The following SNCAIP variants were observed in gnomAD, a reference collection of about 807,000 sequenced individuals.
SNCAIP encodes synuclein alpha interacting protein, also known as synphilin-1.
Under a neutral mutation model 86.7 loss-of-function variants are expected in SNCAIP, and 43 were observed. That is an observed-to-expected ratio of 0.50 (90% CI 0.39 to 0.64). The LOEUF is 0.64. Ranked by LOEUF, SNCAIP falls within the 30% of genes least tolerant of loss-of-function variation. SNCAIP has a pLI of 0.00. For synonymous variants in SNCAIP, 417 were observed against 427.2 expected (o/e 0.98, Z 0.29); for missense variants, 981 against 1,103.1 (o/e 0.89, Z 1.57).
chr5:122,385,670 CGTATGTGTGTGTGTGTGTGTGT>C (rs1209151082), intron 1 of SNCAIP, among the ~76,000 whole-genome samples: 1 of 144,552 alleles, frequency 6.9e-6, no homozygotes, highest in African/African-American at 2.6e-5. Flanking sequence ...CGTGTGCGCA[CGTATGTGTGTGTGTGTGTGTGT>C]GTGTGTGTGT....
intron 8 of SNCAIP, among the ~76,000 whole-genome samples, chr5:122,448,699 T>A (rs1272597813): frequency 1.6e-4 from 19 of 117,932 alleles, no homozygotes; most frequent in African/African-American, 5.2e-4. Flanking sequence ...ATTATATATA[T>A]TATATACATA....
intron 1 of SNCAIP, among the ~76,000 whole-genome samples, chr5:122,348,890 T>A (rs1450540769): frequency 6.6e-6 from 1 of 152,178 alleles, no homozygotes; most frequent in Non-Finnish European, 1.5e-5. Flanking sequence ...AAAAAATACG[T>A]CCTGAAAAAT....
At chr5:122,331,506 G>C (rs1755334653) in intron 1 of SNCAIP, among the ~76,000 whole-genome samples, 1 of 152,162 alleles carries the variant, frequency 6.6e-6, no homozygotes, top group Non-Finnish European at 1.5e-5. Context: ...CTGATTTAAT[G>C]ACCTTCCTAG....
intron 3 of SNCAIP, among the ~76,000 whole-genome samples, chr5:122,411,725 G>A (rs1054369431): frequency 1.6e-4 from 25 of 152,010 alleles, no homozygotes; most frequent in African/African-American, 5.1e-4. Context: ...CCCCAGCACC[G>A]TAAGCGTCAG....
upstream of SNCAIP, chr5:122,312,119 G>C (rs955365600): frequency 6.7e-6 from 1 of 148,452 alleles, no homozygotes; most frequent in Admixed American, 6.7e-5. Flanking sequence ...GGGGCCCGGG[G>C]AGCGGCGCCC....
At chr5:122,382,023 G>T (rs1312205465) in intron 1 of SNCAIP, among the ~76,000 whole-genome samples, 2 of 151,808 alleles carry the variant, frequency 1.3e-5, no homozygotes, top group African/African-American at 4.8e-5. Flanking sequence ...ATGTGTCTTG[G>T]GGTTGCTCTT....
rs916383319 is a variant in SNCAIP, at chr5:122,377,931, G to C, written c.-46-13158G>C. 3.9e-5 allele frequency among the ~76,000 whole-genome samples: 6 copies of C among 151,992 alleles called. No homozygotes were observed. In the East Asian group the frequency reaches 9.6e-4, roughly 24 times the overall value. On this transcript the variant is annotated intron_variant, in intron 1 of 10. Coordinates refer to ENST00000261368, the MANE Select transcript of SNCAIP (RefSeq NM_005460.4). ...ATATGTGCCACATTTTCGCAATCCA[G>C]TCTGTCATTGTTGGACATTTGGGTT...
At chr5:122,461,435 G>C (rs1490052801) in intron 10 of SNCAIP, among the ~76,000 whole-genome samples, 2 of 151,936 alleles carry the variant, frequency 1.3e-5, no homozygotes, top group Non-Finnish European at 2.9e-5. Context: ...CAATTTCTCT[G>C]TTCCCTCTTT....
intron 1 of SNCAIP, among the ~76,000 whole-genome samples, chr5:122,383,999 ATGATGATGG>A (rs1767555453): frequency 6.6e-6 from 1 of 152,230 alleles, no homozygotes; most frequent in Admixed American, 6.5e-5. Context: ...TTTGTTAATG[ATGATGATGG>A]TGATGATGTC....
At chr5:122,319,244 A>G (rs546128957) in intron 1 of SNCAIP, among the ~76,000 whole-genome samples, 1 of 152,094 alleles carries the variant, frequency 6.6e-6, no homozygotes, top group African/African-American at 2.4e-5. Flanking sequence ...AAAAAAAACT[A>G]TGGAAAAAGG....
chr5:122,423,405 C>T lies in SNCAIP; in HGVS notation c.668C>T (p.Ala223Val). 6.2e-7 allele frequency: 1 copy of T among 1,613,780 alleles called. No homozygotes were observed. Among genetic ancestry groups the T allele is most frequent in the Non-Finnish European group, 8.5e-7 (1 of 1,179,752 alleles). ...AGCCCTCACTTGAGAAAAGCATCAG[C>T]TGTCATCCACGACCAGCACAAGCTG... Reference protein sequence around the residue: ...VKSPHLRKASAVIHDQHKLST... With the variant: ...VKSPHLRKASVVIHDQHKLST... Residue 223 changes from alanine to valine, a missense_variant, in exon 4 of 11, where the codon GCT becomes GTT. Physicochemically the swap from Ala to Val is moderately conservative, Grantham distance 64. Coordinates refer to ENST00000261368, the MANE Select transcript of SNCAIP (RefSeq NM_005460.4).
chr5:122,462,025 G>A (rs545585789), intron 10 of SNCAIP, among the ~76,000 whole-genome samples: 2 of 152,296 alleles, frequency 1.3e-5, no homozygotes, highest in South Asian at 4.1e-4. Context: ...ATACAAATGC[G>A]TATCTTTATC....
chr5:122,444,787 T>G, intron 8 of SNCAIP, 55 bp downstream of exon 8: 1 of 1,435,316 alleles, frequency 7.0e-7, no homozygotes, highest in African/African-American at 1.4e-5. Context: ...TTGTTGTACT[T>G]AGGCTTCAGC....
In SNCAIP at chr5:122,361,203, C is replaced by T. The variant is rs866127830; in HGVS notation, c.-46-29886C>T. On this transcript the variant is annotated intron_variant, in intron 1 of 10. Transcript: ENST00000261368. The stretch of plus-strand genomic sequence containing the variant: ...AAAAAAAAAAAAAAAAGTCTTTGGG[C>T]TTTATCAGCTTACCCAAAGACCTGT... Among the ~76,000 whole-genome samples, 14 of 148,400 alleles carry T rather than the reference C, an allele frequency of 9.4e-5. No homozygotes were observed. The East Asian group carries it at 9.9e-4, about 10-fold the overall frequency.
intron 1 of SNCAIP, among the ~76,000 whole-genome samples, chr5:122,377,514 GAGAGAGAA>G (rs922015978): frequency 1.6e-5 from 2 of 124,916 alleles, no homozygotes; most frequent in Non-Finnish European, 3.7e-5. Context: ...GAGAGAGAGA[GAGAGAGAA>G]AGAAAGAAAG....
chr5:122,395,425 AT>A (rs1770394996), intron 2 of SNCAIP, among the ~76,000 whole-genome samples: 1 of 152,166 alleles, frequency 6.6e-6, no homozygotes, highest in Non-Finnish European at 1.5e-5. Context: ...TGCATAAACT[AT>A]TTTTTGTACA....
chr5:122,394,246 A>G (rs1274105453), intron 2 of SNCAIP, among the ~76,000 whole-genome samples: 1 of 152,152 alleles, frequency 6.6e-6, no homozygotes, highest in Non-Finnish European at 1.5e-5. Context: ...CTCTCTAGCT[A>G]TAGCCCTATT....
intron 1 of SNCAIP, among the ~76,000 whole-genome samples, chr5:122,360,469 C>A (rs754807373): frequency 2.6e-5 from 4 of 152,150 alleles, no homozygotes; most frequent in Non-Finnish European, 5.9e-5. Flanking sequence ...CAACATCCAG[C>A]CCCACATAAC....
At position 122,351,996 on chromosome 5, in the gene SNCAIP, A is replaced by C. The variant is rs191796288; in HGVS notation, c.-46-39093A>C. 3.6e-3 allele frequency among the ~76,000 whole-genome samples: 541 copies of C among 152,342 alleles called. 4 individuals are homozygous for C. The highest frequency in any genetic ancestry group is 0.012 in the African/African-American group (504 of 41,566). On this transcript the variant is annotated intron_variant, in intron 1 of 10. Transcript: ENST00000261368. ...TTCATCTAATTACTCTGTTTAAAGC[A>C]ACAAGGCTTATGAATGATCAGCAAA...
Sources: gnomAD v4.1 joint callset for allele counts (sites outside exome capture counted in the v4.1 genomes callset) on GRCh38, gnomAD v4.1.1 for gene constraint, MANE v1.5 for transcripts, NCBI Gene and HGNC (gene_info 2026-07-23, HGNC 2026-07-21) for gene names.